Variants in ANKRD50 observed in about 807,000 individuals in gnomAD.
ANKRD50 encodes ankyrin repeat domain 50.
In ANKRD50, 40 loss-of-function variants were observed where a neutral mutation model predicts 112.0. The observed-to-expected ratio is 0.36, with a 90% CI of 0.28 to 0.46. ANKRD50 has a LOEUF of 0.46. ANKRD50 is among the 20% of genes least tolerant of loss of function. The pLI, the probability that ANKRD50 is intolerant of heterozygous loss-of-function variation, is 1.00. For synonymous variants in ANKRD50, 613 were observed against 619.1 expected (o/e 0.99, Z 0.15); for missense variants, 1,487 against 1,701.7 (o/e 0.87, Z 2.22).
intron 1 of ANKRD50, among the ~76,000 whole-genome samples, chr4:124,711,760 TAAAA>T (rs201656664): frequency 6.9e-6 from 1 of 143,984 alleles, no homozygotes; most frequent in Non-Finnish European, 1.5e-5. Context: ...GGAAACGGTT[TAAAA>T]AAAAAAAACA....
chr4:124,709,825 C>T (rs1464843198), intron 2 of ANKRD50, among the ~76,000 whole-genome samples, 175 bp downstream of exon 2: 7 of 152,080 alleles, frequency 4.6e-5, no homozygotes, highest in Non-Finnish European at 1.0e-4. Context: ...ATACCAAAAC[C>T]TAAATTTTAC....
intron 2 of ANKRD50, among the ~76,000 whole-genome samples, chr4:124,685,685 T>G (rs1242664354): frequency 6.6e-6 from 1 of 152,218 alleles, no homozygotes; most frequent in Admixed American, 6.5e-5. Flanking sequence ...TGACTTTGTA[T>G]GTGTATCTTA....
chr4:124,705,249 C>T (rs1725479574), intron 2 of ANKRD50, among the ~76,000 whole-genome samples: 1 of 152,168 alleles, frequency 6.6e-6, no homozygotes, highest in African/African-American at 2.4e-5. Context: ...AAACAAATGT[C>T]AGTATTTGGT....
intron 2 of ANKRD50, among the ~76,000 whole-genome samples, chr4:124,708,927 A>G (rs1374629565): frequency 6.6e-6 from 1 of 151,828 alleles, no homozygotes; most frequent in Non-Finnish European, 1.5e-5. Flanking sequence ...TGTAATTACT[A>G]TTAAATATTT....
At position 124,669,884 on chromosome 4, in the gene ANKRD50, T is replaced by G; in HGVS notation, c.3393A>C (p.Leu1131Phe). The G allele has an allele frequency of 2.5e-6, 4 of 1,613,370 alleles. No individual in the cohort carries two copies. The highest frequency in any genetic ancestry group is 3.4e-6 in the Non-Finnish European group (4 of 1,179,756). ...LQSLSSKVQS[L>F]TIKSNSSGST... ...TACCAGAGCTATTTGATTTAATTGT[T>G]AATGACTGCACTTTTGAAGACAATG... The change falls in exon 4 of 5, where the codon TTA becomes TTC. Residue 1131 changes from leucine (L) to phenylalanine (F), a missense_variant. Leu to Phe is a conservative substitution (Grantham distance 22). This residue lies in a region of ANKRD50 where 441 missense variants were observed against 432.2 expected (regional missense o/e 1.02). Transcript: ENST00000504087.
intron 3 of ANKRD50, among the ~76,000 whole-genome samples, chr4:124,677,169 T>C (rs976846707): frequency 2.0e-5 from 3 of 151,704 alleles, no homozygotes; most frequent in African/African-American, 4.8e-5. Context: ...AGAGTGGTGG[T>C]CACATGTTTA....
chr4:124,686,436 TA>T (rs1270950090), intron 2 of ANKRD50, among the ~76,000 whole-genome samples: 1 of 152,076 alleles, frequency 6.6e-6, no homozygotes, highest in Non-Finnish European at 1.5e-5. Context: ...ACTGACCCCT[TA>T]GGGGTTTAAA....
Position 124,710,747 on chromosome 4 carries a change from C to A in ANKRD50, c.-236G>T, listed in dbSNP as rs113415785. Reference sequence around the variant, plus strand: ...TGAACTGAGGGAGAAACGCCTGATTCCACAGCTCAGCAACACTTTTCCTAA... The same window carrying A: ...TGAACTGAGGGAGAAACGCCTGATTACACAGCTCAGCAACACTTTTCCTAA... On this transcript the variant is annotated 5_prime_UTR_variant, in exon 2 of 5. Coordinates refer to ENST00000504087, the MANE Select transcript of ANKRD50 (RefSeq NM_020337.3). The A allele has an allele frequency of 4.2e-3, 2,272 of 537,684 alleles. 52 individuals are homozygous for A. The highest frequency in any genetic ancestry group is 0.038 in the African/African-American group (2,039 of 53,400). 33.3% of individuals were successfully genotyped at this position (537,684 alleles called of 1,614,324 possible).
chr4:124,708,456 C>A (rs1175629993), intron 2 of ANKRD50, among the ~76,000 whole-genome samples: 1 of 152,116 alleles, frequency 6.6e-6, no homozygotes, highest in East Asian at 1.9e-4. Flanking sequence ...TCACACCTCT[C>A]AAAGATACAT....
chr4:124,677,994 C>T (rs1304214113), intron 3 of ANKRD50, among the ~76,000 whole-genome samples: 2 of 151,904 alleles, frequency 1.3e-5, no homozygotes, highest in African/African-American at 2.4e-5. Context: ...ATGTGGAAAC[C>T]AAAAGTGCTG....
At chr4:124,704,366 C>T (rs931966524) in intron 2 of ANKRD50, among the ~76,000 whole-genome samples, 5 of 152,176 alleles carry the variant, frequency 3.3e-5, no homozygotes, top group Admixed American at 6.5e-5. Flanking sequence ...CACATTCCAA[C>T]CCCCTTCTGT....
Position 124,669,833 on chromosome 4 carries a change from A to T in ANKRD50, c.3444T>A (p.Pro1148=). 1 of 1,612,798 alleles carries T rather than the reference A, an allele frequency of 6.2e-7. No homozygotes were observed. Among genetic ancestry groups the T allele is most frequent in the Non-Finnish European group, 8.5e-7 (1 of 1,179,636 alleles). Reference sequence around the variant, plus strand: ...GCCCATTAGGTAAACCACGTAACGAAGGCTGCATATCCCCTCCACCAGTAC... The same window carrying T: ...GCCCATTAGGTAAACCACGTAACGATGGCTGCATATCCCCTCCACCAGTAC... ...SGSTGGGDMQ[P]SLRGLPNGPT... The change falls in exon 4 of 5, where the codon CCT becomes CCA. Residue 1148 remains proline, a synonymous_variant. Coordinates refer to ENST00000504087, the MANE Select transcript of ANKRD50 (RefSeq NM_020337.3).
At chr4:124,696,519 A>C (rs1725256141) in intron 2 of ANKRD50, among the ~76,000 whole-genome samples, 1 of 152,076 alleles carries the variant, frequency 6.6e-6, no homozygotes, top group South Asian at 2.1e-4. Flanking sequence ...GATTTAAGAA[A>C]CTCAATAAAT....
intron 2 of ANKRD50, among the ~76,000 whole-genome samples, chr4:124,695,584 A>G (rs934880822): frequency 6.6e-6 from 1 of 152,170 alleles, no homozygotes; most frequent in African/African-American, 2.4e-5. Flanking sequence ...CTCTCGTAGT[A>G]TCTTGGAAAC....
At chr4:124,701,426 C>T (rs945884286) in intron 2 of ANKRD50, among the ~76,000 whole-genome samples, 4 of 152,096 alleles carry the variant, frequency 2.6e-5, no homozygotes, top group East Asian at 1.9e-4. Context: ...AAGATAACCA[C>T]GAGGAATATG....
chr4:124,685,323 T>G (rs1415485081), intron 2 of ANKRD50, among the ~76,000 whole-genome samples: 1 of 152,204 alleles, frequency 6.6e-6, no homozygotes, highest in Non-Finnish European at 1.5e-5. Flanking sequence ...GAAAAAGTTT[T>G]GTTACTTTAA....
Position 124,670,735 on chromosome 4 carries a change from A to C in ANKRD50, c.2542T>G (p.Trp848Gly). Residue 848 changes from tryptophan to glycine, a missense_variant, in exon 4 of 5, where the codon TGG becomes GGG. Transcript: ENST00000504087. ...AAAGCTGCCATGTGCAAAGGTGTCC[A>C]TCCAGCATCATCTCTGTGATTTTCA... ...LDENHRDDAG[W>G]TPLHMAAFEG... 6.2e-7 allele frequency: 1 copy of C among 1,613,736 alleles called. No homozygotes were observed. The highest frequency in any genetic ancestry group is 8.5e-7 in the Non-Finnish European group (1 of 1,179,826).
Position 124,671,834 on chromosome 4 carries a change from A to G in ANKRD50, c.1443T>C (p.Pro481=). The G allele has an allele frequency of 1.2e-6, 2 of 1,613,912 alleles. No homozygotes were observed. Among genetic ancestry groups the G allele is most frequent in the Non-Finnish European group, 1.7e-6 (2 of 1,179,874 alleles). ...LALWMIWNGT[P]VRDSLSTLIP... is the part of the protein sequence containing the mutation. ...TCAAAGTAGAAAGGGAATCTCTGAC[A>G]GGTGTACCATTCCATATCATCCACA... The change falls in exon 4 of 5, where the codon CCT becomes CCC. Residue 481 remains proline, a synonymous_variant. Transcript: ENST00000504087.
rs184013835 is a variant in ANKRD50, at chr4:124,695,829, T to C, written c.512+14171A>G. On this transcript the variant is annotated intron_variant, in intron 2 of 4. Transcript: ENST00000504087. The stretch of plus-strand genomic sequence containing the variant: ...AAATAAACCAAGGGTCTTAGTAATA[T>C]TATAAAAAAGTACCAGCTCCACTTA... 1.2e-3 allele frequency among the ~76,000 whole-genome samples: 188 copies of C among 152,268 alleles called. 1 individual carries two copies. The highest frequency in any genetic ancestry group is 2.2e-3 in the Admixed American group (33 of 15,288).
Sources: allele counts gnomAD v4.1 joint callset (sites outside exome capture counted in the v4.1 genomes callset), GRCh38; gene constraint gnomAD v4.1.1; regional missense constraint gnomAD v4.1.1; transcripts MANE v1.5; gene names NCBI Gene and HGNC (gene_info 2026-07-23, HGNC 2026-07-21).